CPSF1: variants seen among roughly 807,000 people sequenced by gnomAD.
The protein encoded by CPSF1 is cleavage and polyadenylation specific factor 1, also known as cleavage and polyadenylation specificity factor subunit 1.
CPSF1 carries 106 observed loss-of-function variants against 175.8 expected under a neutral mutation model. The ratio of observed to expected loss-of-function variants is 0.60; its 90% CI spans 0.52 to 0.71. The LOEUF is 0.71. CPSF1 is among the 30% of genes least tolerant of loss of function. CPSF1 has a pLI of 0.00. For missense variants in CPSF1, 1,734 were observed against 2,022.9 expected (o/e 0.86, Z 2.74); for synonymous variants, 1,024 against 858.3 (o/e 1.19, Z -3.37).
chr8:144,406,497 C>A (rs1165716069), intron 2 of CPSF1, among the ~76,000 whole-genome samples: 1 of 152,250 alleles, frequency 6.6e-6, no homozygotes, highest in East Asian at 1.9e-4. Flanking sequence ...CCTCTCATCT[C>A]CCCAATCTCT....
chr8:144,399,508 G>A lies in CPSF1; in HGVS notation c.1243-5C>T. On this transcript the variant is annotated splice_polypyrimidine_tract_variant and splice_region_variant and intron_variant, in intron 12 of 37. Transcript: ENST00000616140. The surrounding 1 kb of genome is among the most constrained non-coding windows in gnomAD (Gnocchi z 6.4). ...CTTCTTTGAGGGAGGCTCTTCCTGT[G>A]AGGCAGGAGGGGCACTGAGTGGCAT... is the stretch of plus-strand genomic sequence containing the variant. 6.2e-7 allele frequency: 1 copy of A among 1,612,792 alleles called. No individual in the cohort carries two copies. The highest frequency in any genetic ancestry group is 1.1e-5 in the South Asian group (1 of 90,960).
At chr8:144,396,799 A>G (rs1820783018) in intron 24 of CPSF1, 41 bp downstream of exon 24, 1 of 1,613,432 alleles carries the variant, frequency 6.2e-7, no homozygotes, top group African/African-American at 1.3e-5. Context: ...CACACCTTGT[A>G]CCACACCCAC....
intron 2 of CPSF1, among the ~76,000 whole-genome samples, chr8:144,402,506 T>C (rs891945181): frequency 6.6e-6 from 1 of 152,146 alleles, no homozygotes; most frequent in African/African-American, 2.4e-5. Context: ...GGTTTCACCA[T>C]GTTGGCCAGG....
At position 144,398,434 on chromosome 8, in the gene CPSF1, T is replaced by C. The variant is rs140573953; in HGVS notation, c.1762A>G (p.Thr588Ala). Residue 588 changes from threonine (T) to alanine (A), a missense_variant, in exon 19 of 38, where the codon ACG becomes GCG. Thr to Ala is a moderately conservative substitution (Grantham distance 58, BLOSUM62 0). Coordinates refer to ENST00000616140, the MANE Select transcript of CPSF1 (RefSeq NM_013291.3). ...TCCAGCTCCATGATCTCCTGCCCCG[T>C]CTGCAGGATCTGCGGGCGACAGCTG... Reference protein sequence around the residue: ...SREDSTMILQTGQEIMELDTS... With the variant: ...SREDSTMILQAGQEIMELDTS... 10 of 1,613,658 alleles carry C rather than the reference T, an allele frequency of 6.2e-6. No individual in the cohort carries two copies. The highest frequency in any genetic ancestry group is 7.6e-6 in the Non-Finnish European group (9 of 1,179,982).
intron 2 of CPSF1, among the ~76,000 whole-genome samples, chr8:144,403,385 C>T (rs1335602224): frequency 4.0e-5 from 6 of 151,864 alleles, no homozygotes; most frequent in East Asian, 1.9e-4. Flanking sequence ...TGAGCCACCA[C>T]GCCAGGCCTT....
In CPSF1 at chr8:144,400,153, A is replaced by ACCCCCCCCC; in HGVS notation, c.937+12_937+13insGGGGGGGGG. ...TCCCCGGGCCCCCCCCGCCCCAGCC[A>ACCCCCCCCC]CCCCACACTCACGAAGCGGGAAAGC... On this transcript the variant is annotated intron_variant, in intron 9 of 37. Transcript: ENST00000616140. 4.2e-6 allele frequency: 2 copies of ACCCCCCCCC among 474,566 alleles called. No individual in the cohort carries two copies. Among genetic ancestry groups the ACCCCCCCCC allele is most frequent in the South Asian group, 2.6e-5 (1 of 38,086 alleles). The allele number at this position is 474,566 out of a possible 1,614,324, so 29.4% of individuals were successfully genotyped here. A position where few individuals can be genotyped will look rare whatever the true frequency, so the allele number is the denominator to read the frequency against.
Position 144,398,610 on chromosome 8 carries a change from T to C in CPSF1, c.1667A>G (p.Glu556Gly). The C allele has an allele frequency of 6.2e-7, 1 of 1,613,886 alleles. No individual in the cohort carries two copies. The highest frequency in any genetic ancestry group is 8.5e-7 in the Non-Finnish European group (1 of 1,179,970). The change falls in exon 18 of 38, where the codon GAG becomes GGG. Residue 556 changes from glutamate (E) to glycine (G), a missense_variant. Glu to Gly is a moderately conservative substitution (Grantham distance 98). This residue lies in a region of CPSF1 where 280 missense variants were observed against 349.2 expected (regional missense o/e 0.80). Transcript: ENST00000616140. ...TTCAGGGGTGGTGCTGGGTTCCTGC[T>C]CTGTGCCCTCCCCCTTGGGATTGTC... Reference protein sequence around the residue: ...EEDNPKGEGTEQEPSTTPEAD... With the variant: ...EEDNPKGEGTGQEPSTTPEAD...
At chr8:144,409,262 G>A (rs1158988822) in intron 1 of CPSF1, 27 bp downstream of exon 1, 6 of 1,100,124 alleles carry the variant, frequency 5.5e-6, no homozygotes, top group African/African-American at 1.6e-5. Flanking sequence ...TCGCGCTGCC[G>A]CCTCGGCCGC....
chr8:144,401,519 A>C lies in CPSF1; in HGVS notation c.217T>G (p.Ser73Ala). 1 of 1,613,990 alleles carries C rather than the reference A, an allele frequency of 6.2e-7. No homozygotes were observed. ...REKLELAASF[S>A]FFGNVMSMAS... ...ATGGACATGACGTTGCCAAAGAAGGAGAAGGAGGCAGCAAGCTCGAGCTTC... is the reference window on the plus strand; with the variant it reads ...ATGGACATGACGTTGCCAAAGAAGGCGAAGGAGGCAGCAAGCTCGAGCTTC... Residue 73 changes from serine (S) to alanine (A), a missense_variant, in exon 4 of 38, where the codon TCC (serine) becomes GCC (alanine). Around this residue, in one of 10 missense-constraint regions of CPSF1, gnomAD observed 126 missense variants for 117.9 expected, o/e 1.07. Transcript: ENST00000616140.
chr8:144,400,135 G>GGCCCCCCCCCCCCCCCCCCCCCCCCC, intron 9 of CPSF1, 31 bp downstream of exon 9: 52 of 896,744 alleles, frequency 5.8e-5, no homozygotes, highest in Non-Finnish European at 7.9e-5. Context: ...CCGTCCCCGG[G>GGCCCCCCCCCCCCCCCCCCCCCCCCC]CCCCCCCCGC....
rs782626447 is a variant in CPSF1 at position 144,396,837 on chromosome 8, C to A, written c.2682+3G>T. The A allele has an allele frequency of 1.2e-6, 2 of 1,613,994 alleles. No individual in the cohort carries two copies. Among genetic ancestry groups the A allele is most frequent in the Non-Finnish European group, 1.7e-6 (2 of 1,179,932 alleles). On this transcript the variant is annotated splice_donor_region_variant and intron_variant, in intron 24 of 37. Coordinates refer to ENST00000616140, the MANE Select transcript of CPSF1 (RefSeq NM_013291.3). ...CACGCCCCAGCAGTCCAGCCACTGGCACCTTCTTAAAGCGGACTTTGAGAT... is the reference window on the plus strand; with the variant it reads ...CACGCCCCAGCAGTCCAGCCACTGGAACCTTCTTAAAGCGGACTTTGAGAT...
At position 144,399,113 on chromosome 8, in the gene CPSF1, C is replaced by T; in HGVS notation, c.1467+15G>A. On this transcript the variant is annotated intron_variant, in intron 15 of 37. Transcript: ENST00000616140. The surrounding 1 kb of genome is among the most constrained non-coding windows in gnomAD (Gnocchi z 6.4). The stretch of plus-strand genomic sequence containing the variant: ...TCCAGCCCCTGCCCCCAGCCCCGAC[C>T]CCAACCCTGGGCACCTCTTCAGAGA... The T allele has an allele frequency of 6.4e-7, 1 of 1,554,412 alleles. No individual in the cohort carries two copies. Among genetic ancestry groups the T allele is most frequent in the Non-Finnish European group, 8.7e-7 (1 of 1,149,636 alleles).
chr8:144,397,895 T>C lies in CPSF1; in HGVS notation c.2074-16A>G. ...CCTTGGACTGCTGCGGGGAGAGGGGTGGGCTCAGCGGCGGGCAAGGGGCAG... is the reference window on the plus strand; with the variant it reads ...CCTTGGACTGCTGCGGGGAGAGGGGCGGGCTCAGCGGCGGGCAAGGGGCAG... On this transcript the variant is annotated splice_polypyrimidine_tract_variant and intron_variant, in intron 20 of 37. Transcript: ENST00000616140. 1 of 1,598,854 alleles carries C rather than the reference T, an allele frequency of 6.3e-7. No homozygotes were observed. Among genetic ancestry groups the C allele is most frequent in the Non-Finnish European group, 8.5e-7 (1 of 1,171,662 alleles).
chr8:144,404,390 G>A (rs1478495073), intron 2 of CPSF1, among the ~76,000 whole-genome samples: 14 of 150,380 alleles, frequency 9.3e-5, no homozygotes, highest in African/African-American at 1.5e-4. Flanking sequence ...TTTTTGAGAC[G>A]GAGTCTTGCT....
Position 144,396,449 on chromosome 8 carries a change from C to A in CPSF1, c.2878G>T (p.Ala960Ser). 2 of 1,599,258 alleles carry A rather than the reference C, an allele frequency of 1.3e-6. No homozygotes were observed. The highest frequency in any genetic ancestry group is 4.5e-5 in the East Asian group (2 of 44,374). Residue 960 changes from alanine to serine, a missense_variant, in exon 26 of 38, where the codon GCT becomes TCT. Around this residue, in one of 10 missense-constraint regions of CPSF1, gnomAD observed 585 missense variants for 584.7 expected, o/e 1.00. Transcript: ENST00000616140. Reference protein sequence around the residue: ...PHWLLVTGRGALRLHPMAIDG... With the variant: ...PHWLLVTGRGSLRLHPMAIDG... ...ATGGCCATGGGGTGTAGCCGCAGAG[C>A]CCCTCGGCCGGTCACCAAGAGCCAG...
Position 144,401,564 on chromosome 8 carries a change from C to T in CPSF1, c.173-1G>A. The T allele has an allele frequency of 6.2e-7, 1 of 1,613,446 alleles. No individual in the cohort carries two copies. Among genetic ancestry groups the T allele is most frequent in the Non-Finnish European group, 8.5e-7 (1 of 1,179,772 alleles). On this transcript the variant is annotated splice_acceptor_variant, in intron 3 of 37. Transcript: ENST00000616140. LOFTEE classifies it high-confidence loss of function. ...AGCTTCTCCCGGTGGGCCTTCCCCTCTAGGGGAGACACCAGGGCTCAGGGT... is the reference window on the plus strand; with the variant it reads ...AGCTTCTCCCGGTGGGCCTTCCCCTTTAGGGGAGACACCAGGGCTCAGGGT...
Position 144,399,827 on chromosome 8 carries a change from C to CG in CPSF1, c.1072dup (p.Arg358ProfsTer6). The CG allele has an allele frequency of 6.4e-7, 1 of 1,556,356 alleles. No homozygotes were observed. The highest frequency in any genetic ancestry group is 8.7e-7 in the Non-Finnish European group (1 of 1,150,464). ...GGCCGCCTTGTCAAAGTGGAACGCTCGGACACTGCGCATGCCGTCGGTGAT... is the reference window on the plus strand; with the variant it reads ...GGCCGCCTTGTCAAAGTGGAACGCTCGGGACACTGCGCATGCCGTCGGTGAT... On this transcript the variant is annotated frameshift_variant, in exon 11 of 38. Coordinates refer to ENST00000616140, the MANE Select transcript of CPSF1 (RefSeq NM_013291.3). LOFTEE classifies it high-confidence loss of function. The surrounding 1 kb of genome is among the most constrained non-coding windows in gnomAD (Gnocchi z 6.4).
intron 9 of CPSF1, 31 bp downstream of exon 9, chr8:144,400,135 G>GCCCCCCCCCCCCCCCCCCA: frequency 1.1e-6 from 1 of 896,012 alleles, no homozygotes; most frequent in Non-Finnish European, 1.6e-6. Flanking sequence ...CCGTCCCCGG[G>GCCCCCCCCCCCCCCCCCCA]CCCCCCCCGC....
Position 144,401,511 on chromosome 8 carries a change from A to AAAG in CPSF1, c.222_224dup (p.Phe75dup), listed in dbSNP as rs2116885131. 1.9e-6 allele frequency: 3 copies of AAAG among 1,613,990 alleles called. No homozygotes were observed. Among genetic ancestry groups the AAAG allele is most frequent in the Admixed American group, 1.7e-5 (1 of 60,012 alleles). On this transcript the variant is annotated inframe_insertion, in exon 4 of 38. Coordinates refer to ENST00000616140, the MANE Select transcript of CPSF1 (RefSeq NM_013291.3). ...CGCTGGCCATGGACATGACGTTGCCAAAGAAGGAGAAGGAGGCAGCAAGCT... is the reference window on the plus strand; with the variant it reads ...CGCTGGCCATGGACATGACGTTGCCAAAGAAGAAGGAGAAGGAGGCAGCAAGCT...
Sources: gnomAD v4.1 joint callset for allele counts (sites outside exome capture counted in the v4.1 genomes callset) on GRCh38, gnomAD v4.1.1 for gene constraint, gnomAD v4.1.1 regional missense constraint, Gnocchi (gnomAD v3.1) non-coding constraint, MANE v1.5 for transcripts, NCBI Gene and HGNC (gene_info 2026-07-23, HGNC 2026-07-21) for gene names.